CSMD3: variants seen among roughly 807,000 people sequenced by gnomAD.
CSMD3 encodes the protein CUB and Sushi multiple domains 3, also known as CUB and sushi domain-containing protein 3.
A neutral mutation model predicts 435.2 loss-of-function variants in CSMD3; 177 were observed. That is an observed-to-expected ratio of 0.41 (90% CI 0.36 to 0.46). The LOEUF is 0.46. Ranked by LOEUF, CSMD3 falls within the 20% of genes least tolerant of loss-of-function variation. CSMD3 has a pLI of 0.34. For missense variants in CSMD3, 4,265 were observed against 4,504.6 expected, an observed-to-expected ratio of 0.95 and a Z score of 1.52; for synonymous variants, 1,656 against 1,520.5, an observed-to-expected ratio of 1.09 and a Z score of -2.07.
At chr8:113,070,790 T>C (rs973578360) in intron 5 of CSMD3, among the ~76,000 whole-genome samples, 1 of 152,062 alleles carries the variant, frequency 6.6e-6, no homozygotes, top group African/African-American at 2.4e-5. Context: ...CAAGGGAGTA[T>C]AGGTATCTCT....
At chr8:113,263,440 G>A (rs1393676745) in intron 3 of CSMD3, among the ~76,000 whole-genome samples, 1 of 151,872 alleles carries the variant, frequency 6.6e-6, no homozygotes. Context: ...CCTGACAAAA[G>A]AAAACATCAT....
intron 42 of CSMD3, among the ~76,000 whole-genome samples, chr8:112,340,501 T>C (rs1824987586): frequency 1.3e-5 from 2 of 152,166 alleles, no homozygotes; most frequent in South Asian, 2.1e-4. Flanking sequence ...TAGATGCTTA[T>C]GATACTCCAA....
chr8:112,685,609 T>C lies in CSMD3; in HGVS notation c.2279A>G (p.His760Arg). Reference protein sequence around the residue: ...TIISDPGSRIHLSFNDFDLES... With the variant: ...TIISDPGSRIRLSFNDFDLES... Reference sequence around the variant, plus strand: ...CAGGTCAAAGTCATTGAAAGAAAGATGTATCCGGCTCCCTGGATCAGAGAT... The same window carrying C: ...CAGGTCAAAGTCATTGAAAGAAAGACGTATCCGGCTCCCTGGATCAGAGAT... Residue 760 changes from histidine to arginine, a missense_variant, in exon 15 of 71, where the codon CAT becomes CGT. Physicochemically the swap from His to Arg is conservative, Grantham distance 29 (BLOSUM62 0). This residue lies in a region of CSMD3 where 279 missense variants were observed against 369.0 expected (regional missense o/e 0.76). Transcript: ENST00000297405. 2 of 1,613,914 alleles carry C rather than the reference T, an allele frequency of 1.2e-6. No homozygotes were observed. Among genetic ancestry groups the C allele is most frequent in the Non-Finnish European group, 1.7e-6 (2 of 1,179,890 alleles).
chr8:113,181,221 T>G (rs2092417432), intron 3 of CSMD3, among the ~76,000 whole-genome samples: 1 of 151,928 alleles, frequency 6.6e-6, no homozygotes, highest in South Asian at 2.1e-4. Flanking sequence ...AGGAGAAAAG[T>G]CTATTGTCAT....
intron 1 of CSMD3, among the ~76,000 whole-genome samples, chr8:113,412,631 T>G (rs778456347): frequency 5.3e-5 from 8 of 152,136 alleles, no homozygotes; most frequent in Non-Finnish European, 1.2e-4. Context: ...AAGGCTGCTG[T>G]ATTTTTCACC....
intron 37 of CSMD3, among the ~76,000 whole-genome samples, chr8:112,382,608 G>A (rs1459265739): frequency 1.3e-5 from 2 of 152,124 alleles, no homozygotes; most frequent in East Asian, 3.9e-4. Flanking sequence ...AAGTATAATA[G>A]TAAAAAATTA....
Position 112,346,133 on chromosome 8 carries a change from C to A in CSMD3, c.6406G>T (p.Asp2136Tyr). Residue 2136 changes from aspartate (D) to tyrosine (Y), a missense_variant, in exon 41 of 71, where the codon GAT becomes TAT. Asp to Tyr is a radical substitution (Grantham distance 160). Coordinates refer to ENST00000297405, the MANE Select transcript of CSMD3 (RefSeq NM_198123.2). ...GGTAGATTTATTGTCCATGTGCAAT[C>A]TAAACTGCTGGGATAGTTTCCAGGA... Reference protein sequence around the residue: ...GFPGNYPSSLDCTWTINLPIG... With the variant: ...GFPGNYPSSLYCTWTINLPIG... 6.2e-7 allele frequency: 1 copy of A among 1,612,320 alleles called. No homozygotes were observed. Among genetic ancestry groups the A allele is most frequent in the Non-Finnish European group, 8.5e-7 (1 of 1,178,440 alleles).
At chr8:112,869,828 A>T (rs1276275550) in intron 10 of CSMD3, among the ~76,000 whole-genome samples, 1 of 152,186 alleles carries the variant, frequency 6.6e-6, no homozygotes, top group Non-Finnish European at 1.5e-5. Context: ...TGGAAGTTGA[A>T]CAATGAGAAC....
At chr8:112,475,477 G>A (rs1023473276) in intron 31 of CSMD3, among the ~76,000 whole-genome samples, 5 of 151,848 alleles carry the variant, frequency 3.3e-5, no homozygotes, top group South Asian at 2.1e-4. Context: ...TGCCTACAGC[G>A]TGGCCTAATT....
chr8:112,539,142 C>T (rs191008910), intron 27 of CSMD3: 1 of 153,894 alleles, frequency 6.5e-6, no homozygotes, highest in African/African-American at 2.4e-5. Flanking sequence ...TTGAAGAAAT[C>T]TGAATTAGAG....
At chr8:112,334,128 T>C (rs1239455548) in intron 45 of CSMD3, among the ~76,000 whole-genome samples, 2 of 152,156 alleles carry the variant, frequency 1.3e-5, no homozygotes, top group Non-Finnish European at 2.9e-5. Context: ...GATCAGCGTG[T>C]TCATGGTGGT....
chr8:112,924,249 A>G (rs1262301981), intron 9 of CSMD3, among the ~76,000 whole-genome samples: 2 of 152,170 alleles, frequency 1.3e-5, no homozygotes, highest in African/African-American at 4.8e-5. Context: ...CAAAGAGTTT[A>G]GTTAACAAGC....
chr8:113,109,283 A>C (rs1286278695), intron 4 of CSMD3, among the ~76,000 whole-genome samples: 2 of 152,234 alleles, frequency 1.3e-5, no homozygotes, highest in Non-Finnish European at 2.9e-5. Context: ...TAATAGTCTT[A>C]GCTAATTCTA....
intron 7 of CSMD3, among the ~76,000 whole-genome samples, 195 bp from the exon 8 acceptor site, chr8:112,954,956 T>C (rs1016173155): frequency 1.3e-5 from 2 of 151,588 alleles, no homozygotes; most frequent in Non-Finnish European, 3.0e-5. Flanking sequence ...TGTAGAATGA[T>C]TTTAAATATT....
intron 10 of CSMD3, among the ~76,000 whole-genome samples, chr8:112,899,804 G>C (rs951597976): frequency 6.9e-6 from 1 of 145,912 alleles, no homozygotes. Context: ...CGAACAACCA[G>C]TGTCATATAT....
intron 61 of CSMD3, 116 bp from the exon 62 acceptor site, chr8:112,255,543 G>T: frequency 1.1e-6 from 1 of 884,414 alleles, no homozygotes; most frequent in Non-Finnish European, 1.8e-6. Context: ...TATTATTCAT[G>T]ATAAAGCTAT....
At chr8:112,680,660 C>G (rs1373595946) in intron 16 of CSMD3, among the ~76,000 whole-genome samples, 1 of 151,968 alleles carries the variant, frequency 6.6e-6, no homozygotes, top group Non-Finnish European at 1.5e-5. Flanking sequence ...TTCTGCCCAC[C>G]TGATATTACT....
chr8:112,809,955 A>T (rs1018637177), intron 12 of CSMD3, among the ~76,000 whole-genome samples: 3 of 152,192 alleles, frequency 2.0e-5, no homozygotes, highest in Non-Finnish European at 4.4e-5. Context: ...GCTTAACTTC[A>T]ACAAGAAACA....
chr8:112,600,480 T>C (rs1832239112), intron 22 of CSMD3, among the ~76,000 whole-genome samples: 1 of 152,172 alleles, frequency 6.6e-6, no homozygotes, highest in Admixed American at 6.5e-5. Flanking sequence ...AATATGGCTA[T>C]GTCAAAAATG....
Sources: gnomAD v4.1 joint callset for allele counts (sites outside exome capture counted in the v4.1 genomes callset) on GRCh38, gnomAD v4.1.1 for gene constraint, gnomAD v4.1.1 regional missense constraint, MANE v1.5 for transcripts, NCBI Gene and HGNC (gene_info 2026-07-23, HGNC 2026-07-21) for gene names.